The following MYO7A variants were observed in gnomAD, a reference collection of about 807,000 sequenced individuals.
The protein encoded by MYO7A is unconventional myosin-VIIa.
In MYO7A, 210 loss-of-function variants were observed where a neutral mutation model predicts 263.8. The ratio of observed to expected loss-of-function variants is 0.80; its 90% CI spans 0.71 to 0.89. The LOEUF (loss-of-function observed/expected upper bound fraction) is 0.89, where lower values mean the gene tolerates loss of function less well. MYO7A is among the 40% of genes least tolerant of loss of function. The probability of loss-of-function intolerance (pLI) is 0.00; values close to 1 mark genes in which losing one functional copy is unlikely to be tolerated. For missense variants in MYO7A, 2,820 were observed against 2,968.3 expected (o/e 0.95, Z 1.16); for synonymous variants, 1,239 against 1,197.3 (o/e 1.03, Z -0.72).
chr11:77,212,681 G>A, intron 46 of MYO7A: 1 of 531,156 alleles, frequency 1.9e-6, no homozygotes, highest in Non-Finnish European at 3.4e-6. Flanking sequence ...GGAGGCAGGT[G>A]CAGGGTCCAG....
chr11:77,172,663 C>T (rs1954209720), intron 15 of MYO7A, 85 bp from the exon 16 acceptor site: 1 of 1,518,558 alleles, frequency 6.6e-7, no homozygotes, highest in Non-Finnish European at 8.9e-7. Flanking sequence ...CCGCTGACCT[C>T]CCCTCCCGCT....
intron 4 of MYO7A, among the ~76,000 whole-genome samples, chr11:77,150,743 A>G (rs563499659): frequency 6.6e-6 from 1 of 152,228 alleles, no homozygotes; most frequent in South Asian, 2.1e-4. Flanking sequence ...TAGTCCGCTG[A>G]CCTTAGATTC....
At chr11:77,184,499 T>C (rs1285856821) in intron 26 of MYO7A, 89 bp from the exon 27 acceptor site, 1 of 1,149,732 alleles carries the variant, frequency 8.7e-7, no homozygotes. Flanking sequence ...TTCTGTTTTC[T>C]GGGGAGCAGG....
chr11:77,158,521 T>A (rs1257541576), intron 9 of MYO7A, 91 bp downstream of exon 9: 1 of 1,449,050 alleles, frequency 6.9e-7, no homozygotes, highest in African/African-American at 1.4e-5. Context: ...GCTCAGTTTC[T>A]GTCCTAGCAC....
Position 77,198,491 on chromosome 11 carries a change from C to G in MYO7A, c.4442-4C>G, listed in dbSNP as rs1468890853. 1.2e-6 allele frequency: 2 copies of G among 1,613,384 alleles called. No individual in the cohort carries two copies. The highest frequency in any genetic ancestry group is 1.7e-6 in the Non-Finnish European group (2 of 1,179,680). The stretch of plus-strand genomic sequence containing the variant: ...TGCCTCTCAGTGCCTTGGTCTCGTC[C>G]CAGGCCCCAGTCTCCCCAAGAACGA... On this transcript the variant is annotated splice_polypyrimidine_tract_variant and splice_region_variant and intron_variant, in intron 33 of 48. Coordinates refer to ENST00000409709, the MANE Select transcript of MYO7A (RefSeq NM_000260.4).
chr11:77,205,383 C>A, intron 39 of MYO7A, 79 bp from the exon 40 acceptor site: 1 of 1,468,556 alleles, frequency 6.8e-7, no homozygotes, highest in South Asian at 1.3e-5. Context: ...GGGTACATGG[C>A]CCCCTCACCC....
At chr11:77,198,126 A>G (rs1472710746) in intron 33 of MYO7A, among the ~76,000 whole-genome samples, 1 of 152,194 alleles carries the variant, frequency 6.6e-6, no homozygotes, top group African/African-American at 2.4e-5. Flanking sequence ...GTTACTGGGC[A>G]CCTGCTGTGT....
chr11:77,159,927 C>T (rs1952830557), intron 10 of MYO7A, among the ~76,000 whole-genome samples: 1 of 152,232 alleles, frequency 6.6e-6, no homozygotes, highest in South Asian at 2.1e-4. Context: ...CTAGAAGGGA[C>T]AGGTGACATG....
At chr11:77,182,684 C>A in intron 25 of MYO7A, 84 bp downstream of exon 25, 2 of 1,367,554 alleles carry the variant, frequency 1.5e-6, no homozygotes, top group Admixed American at 4.4e-5. Flanking sequence ...GGCTCCTCTG[C>A]AGAAAAAGGA....
intron 42 of MYO7A, among the ~76,000 whole-genome samples, chr11:77,207,884 A>G (rs1957562175): frequency 1.3e-5 from 2 of 152,088 alleles, no homozygotes; most frequent in African/African-American, 2.4e-5. Context: ...ACCATTTCAC[A>G]TCACGCTCCC....
intron 1 of MYO7A, among the ~76,000 whole-genome samples, chr11:77,129,428 A>C (rs1489351037): frequency 6.6e-6 from 1 of 152,140 alleles, no homozygotes; most frequent in Non-Finnish European, 1.5e-5. Context: ...CTTGTGAAAA[A>C]TTGATGCGCA....
Position 77,189,380 on chromosome 11 carries a change from C to T in MYO7A, c.3540C>T (p.Thr1180=), listed in dbSNP as rs1955865362. ...EIYCQISKQL[T]HNPSKSSYAR... ...ACTGCCAGATCAGCAAGCAGCTGAC[C>T]CACAACCCCTCCAAGAGCAGCTATG... Residue 1180 remains threonine (T), a synonymous_variant, in exon 28 of 49, where the codon ACC becomes ACT. Coordinates refer to ENST00000409709, the MANE Select transcript of MYO7A (RefSeq NM_000260.4). 1 of 1,613,824 alleles carries T rather than the reference C, an allele frequency of 6.2e-7. No individual in the cohort carries two copies. Among genetic ancestry groups the T allele is most frequent in the South Asian group, 1.1e-5 (1 of 91,086 alleles).
chr11:77,150,175 C>T (rs782606327), intron 4 of MYO7A, among the ~76,000 whole-genome samples: 64 of 152,328 alleles, frequency 4.2e-4, no homozygotes, highest in African/African-American at 5.5e-4. Context: ...CGGAGGGCCC[C>T]GTCTCAGGGG....
chr11:77,212,152 G>A (rs1468692865), intron 46 of MYO7A: 2 of 670,502 alleles, frequency 3.0e-6, no homozygotes, highest in South Asian at 3.0e-5. Context: ...GCCTGGCAGT[G>A]GAGGCAGACA....
At chr11:77,173,500 G>C (rs1954326371) in intron 16 of MYO7A, among the ~76,000 whole-genome samples, 1 of 152,236 alleles carries the variant, frequency 6.6e-6, no homozygotes, top group African/African-American at 2.4e-5. Context: ...GTGAGAAAGG[G>C]ACTGTGCTGG....
At chr11:77,180,607 A>T in intron 22 of MYO7A, 126 bp downstream of exon 22, 1 of 784,292 alleles carries the variant, frequency 1.3e-6, no homozygotes, top group Non-Finnish European at 2.0e-6. Flanking sequence ...GCCACACTAG[A>T]CCCACTCAGC....
rs886048684 is a variant in MYO7A at position 77,214,904 on chromosome 11, C to T, written c.*208C>T. 1 of 550,886 alleles carries T rather than the reference C, an allele frequency of 1.8e-6. No homozygotes were observed. Among genetic ancestry groups the T allele is most frequent in the Non-Finnish European group, 3.2e-6 (1 of 308,290 alleles). The allele number at this position is 550,886 out of a possible 1,614,324, so 34.1% of individuals were successfully genotyped here. A position where few individuals can be genotyped will look rare whatever the true frequency, so the allele number is the denominator to read the frequency against. On this transcript the variant is annotated 3_prime_UTR_variant, in exon 49 of 49. Transcript: ENST00000409709. Reference sequence around the variant, plus strand: ...ATGCAGAACTTCCCTCCATCCACCCCTCTGGCACCTGGGTTGGTCTAATCC... The same window carrying T: ...ATGCAGAACTTCCCTCCATCCACCCTTCTGGCACCTGGGTTGGTCTAATCC...
chr11:77,150,331 A>G (rs1224955541), intron 4 of MYO7A, among the ~76,000 whole-genome samples: 12 of 152,224 alleles, frequency 7.9e-5, no homozygotes, highest in Admixed American at 7.9e-4. Flanking sequence ...AGCTGCATCA[A>G]GGAACAAAGG....
intron 3 of MYO7A, among the ~76,000 whole-genome samples, chr11:77,144,759 G>A (rs572843707): frequency 3.3e-5 from 5 of 152,174 alleles, no homozygotes; most frequent in Admixed American, 6.5e-5. Flanking sequence ...GCAAAGACTC[G>A]CTGAGTGATG....
Sources: allele counts gnomAD v4.1 joint callset (sites outside exome capture counted in the v4.1 genomes callset), GRCh38; gene constraint gnomAD v4.1.1; transcripts MANE v1.5; gene names NCBI Gene and HGNC (gene_info 2026-07-23, HGNC 2026-07-21).